The following TRIM23 variants were observed in gnomAD, a reference collection of about 807,000 sequenced individuals.
The protein encoded by TRIM23 is tripartite motif containing 23, also known as E3 ubiquitin-protein ligase TRIM23.
TRIM23 carries 27 observed loss-of-function variants against 71.0 expected under a neutral mutation model. That is an observed-to-expected ratio of 0.38 (90% CI 0.28 to 0.52). The LOEUF (loss-of-function observed/expected upper bound fraction) is 0.52, where lower values mean the gene tolerates loss of function less well. TRIM23 is among the 20% of genes least tolerant of loss of function. The probability of loss-of-function intolerance (pLI) is 0.84; values close to 1 mark genes in which losing one functional copy is unlikely to be tolerated. For synonymous variants in TRIM23, 234 were observed against 238.0 expected (o/e 0.98, Z 0.16); for missense variants, 482 against 692.3 (o/e 0.70, Z 3.41).
intron 1 of TRIM23, 65 bp from the exon 2 acceptor site, chr5:65,618,320 A>G (rs1395350793): frequency 1.4e-6 from 2 of 1,454,402 alleles, no homozygotes; most frequent in South Asian, 3.1e-5. Flanking sequence ...TTTTAGGTAT[A>G]TAAGAAAATT....
chr5:65,596,539 A>T lies in TRIM23; in HGVS notation c.1310-8T>A, dbSNP rs765996973. 340 of 1,449,004 alleles carry T rather than the reference A, an allele frequency of 2.3e-4. No homozygotes were observed. Among genetic ancestry groups the T allele is most frequent in the Non-Finnish European group, 2.9e-4 (305 of 1,048,894 alleles). 89.8% of individuals were successfully genotyped at this position (1,449,004 alleles called of 1,614,324 possible). ...CAGTTTCCACGTTAAAACCTGTTTTAAAAAAAAAGTTACTTTTATACTATA... is the reference window on the plus strand; with the variant it reads ...CAGTTTCCACGTTAAAACCTGTTTTTAAAAAAAAGTTACTTTTATACTATA... On this transcript the variant is annotated splice_region_variant and splice_polypyrimidine_tract_variant and intron_variant, in intron 8 of 10. Coordinates refer to ENST00000231524, the MANE Select transcript of TRIM23 (RefSeq NM_001656.4).
chr5:65,613,790 G>T, intron 3 of TRIM23: 6 of 1,285,260 alleles, frequency 4.7e-6, no homozygotes, highest in Non-Finnish European at 6.0e-6. Context: ...CTTCTCTACT[G>T]TTGCTTACAT....
chr5:65,593,574 TTTA>T (rs1240740838), intron 10 of TRIM23, among the ~76,000 whole-genome samples: 3 of 152,222 alleles, frequency 2.0e-5, no homozygotes, highest in African/African-American at 7.2e-5. Flanking sequence ...GTTTGCCTTT[TTTA>T]TTAAGGGGAA....
chr5:65,591,981 C>A (rs1273231219), intron 10 of TRIM23, 33 bp from the exon 11 acceptor site: 8 of 1,538,878 alleles, frequency 5.2e-6, no homozygotes, highest in South Asian at 1.3e-5. Context: ...TTTTATCAGT[C>A]CATCCAAATT....
At chr5:65,618,377 A>C (rs1480812469) in intron 1 of TRIM23, 122 bp from the exon 2 acceptor site, 13 of 1,084,886 alleles carry the variant, frequency 1.2e-5, no homozygotes, top group Non-Finnish European at 1.6e-5. Context: ...CTCTATGAAA[A>C]AAAAACTATG....
At chr5:65,610,789 A>G (rs1754628597) in intron 5 of TRIM23, 72 bp downstream of exon 5, 1 of 1,355,828 alleles carries the variant, frequency 7.4e-7, no homozygotes, top group Non-Finnish European at 1.0e-6. Flanking sequence ...TTGCCCATTA[A>G]TTACTTAGTA....
rs149026646 is a variant in TRIM23, at chr5:65,605,864, C to T, written c.1045-819G>A. On this transcript the variant is annotated intron_variant, in intron 6 of 10. Transcript: ENST00000231524. Reference sequence around the variant, plus strand: ...CACTGTTTCAGTTGTTCAGGACAAACGCTGAAGTCATTATTGCTTTCTCTT... The same window carrying T: ...CACTGTTTCAGTTGTTCAGGACAAATGCTGAAGTCATTATTGCTTTCTCTT... Among the ~76,000 whole-genome samples the T allele has an allele frequency of 5.7e-4, 87 of 152,278 alleles. 1 individual carries two copies. Among genetic ancestry groups the T allele is most frequent in the African/African-American group, 1.9e-3 (80 of 41,566 alleles).
At chr5:65,601,102 A>G (rs1013294094) in intron 7 of TRIM23, among the ~76,000 whole-genome samples, 7 of 152,202 alleles carry the variant, frequency 4.6e-5, no homozygotes, top group African/African-American at 1.7e-4. Context: ...AAAATTAAAA[A>G]CAGAACTACT....
rs1172590374 is a variant in TRIM23 at position 65,596,964 on chromosome 5, T to C, written c.1309+87A>G. 3.3e-6 allele frequency: 5 copies of C among 1,526,192 alleles called. No homozygotes were observed. The African/African-American group carries it at 4.2e-5, about 13-fold the overall frequency. 94.5% of individuals were successfully genotyped at this position (1,526,192 alleles called of 1,614,324 possible). A position where few individuals can be genotyped will look rare whatever the true frequency, so the allele number is the denominator to read the frequency against. ...AGAGCCAGAAAAGAGCCCACCACCA[T>C]GACAGATCAGTATCAAATAAGACCC... On this transcript the variant is annotated intron_variant, in intron 8 of 10. Transcript: ENST00000231524.
intron 1 of TRIM23, 146 bp downstream of exon 1, chr5:65,624,048 G>T: frequency 1.2e-6 from 1 of 801,002 alleles, no homozygotes; most frequent in Non-Finnish European, 2.0e-6. Context: ...GGATGCAGAG[G>T]ACAGGACGAG....
Position 65,596,859 on chromosome 5 carries a change from T to C in TRIM23, c.1309+192A>G, listed in dbSNP as rs113747054. On this transcript the variant is annotated intron_variant, in intron 8 of 10. Transcript: ENST00000231524. ...TTCCAACTGTCCCACCAATACTCTG[T>C]TTCTTCTTTTTATCCCCATCCACAT... Among the ~76,000 whole-genome samples the C allele has an allele frequency of 6.2e-3, 948 of 152,198 alleles. 11 individuals are homozygous for C. The highest frequency in any genetic ancestry group is 0.022 in the African/African-American group (907 of 41,518).
At chr5:65,593,098 T>C (rs964059024) in intron 10 of TRIM23, among the ~76,000 whole-genome samples, 3 of 152,174 alleles carry the variant, frequency 2.0e-5, no homozygotes, top group African/African-American at 4.8e-5. Flanking sequence ...TTGATGAGTA[T>C]TGCCAAATTG....
intron 5 of TRIM23, 64 bp from the exon 6 acceptor site, chr5:65,609,522 T>C (rs553658689): frequency 1.3e-6 from 2 of 1,504,316 alleles, no homozygotes; most frequent in East Asian, 2.4e-5. Flanking sequence ...CTGTGAAATA[T>C]TTAAAATTTC....
At chr5:65,624,060 C>T (rs1755036970) in intron 1 of TRIM23, 134 bp downstream of exon 1, 10 of 977,934 alleles carry the variant, frequency 1.0e-5, no homozygotes. Flanking sequence ...CAGGACGAGA[C>T]TTGTAATGCC....
At chr5:65,604,539 T>C (rs1581181298) in intron 7 of TRIM23, 1 of 156,514 alleles carries the variant, frequency 6.4e-6, no homozygotes, top group East Asian at 1.9e-4. Flanking sequence ...GGAAAAGGAG[T>C]AGGTAAAAGG....
chr5:65,621,125 G>T (rs1446404040), intron 1 of TRIM23, among the ~76,000 whole-genome samples: 1 of 152,200 alleles, frequency 6.6e-6, no homozygotes, highest in Non-Finnish European at 1.5e-5. Flanking sequence ...GGCCAAGGCG[G>T]GCAGATCACG....
chr5:65,619,351 T>C (rs968269111), intron 1 of TRIM23, among the ~76,000 whole-genome samples: 14 of 152,244 alleles, frequency 9.2e-5, no homozygotes, highest in Non-Finnish European at 1.8e-4. Flanking sequence ...CTTGGTCTTT[T>C]AGCCCGTCTT....
intron 7 of TRIM23, among the ~76,000 whole-genome samples, chr5:65,598,055 T>C (rs1754255657): frequency 6.6e-6 from 1 of 152,210 alleles, no homozygotes; most frequent in South Asian, 2.1e-4. Context: ...TTTGGTTTTA[T>C]CCCATTTTTG....
At chr5:65,606,753 T>C (rs1175992378) in intron 6 of TRIM23, among the ~76,000 whole-genome samples, 1 of 152,230 alleles carries the variant, frequency 6.6e-6, no homozygotes, top group Non-Finnish European at 1.5e-5. Flanking sequence ...CTTCCCTCAA[T>C]AATGCTTACC....
Sources: gnomAD v4.1 joint callset for allele counts (sites outside exome capture counted in the v4.1 genomes callset) on GRCh38, gnomAD v4.1.1 for gene constraint, MANE v1.5 for transcripts, NCBI Gene and HGNC (gene_info 2026-07-23, HGNC 2026-07-21) for gene names.